Variants in ANKFY1 observed in about 807,000 individuals in gnomAD.
ANKFY1 encodes the protein ankyrin repeat and FYVE domain containing 1.
ANKFY1 carries 47 observed loss-of-function variants against 128.3 expected under a neutral mutation model. The ratio of observed to expected loss-of-function variants is 0.37; its 90% CI spans 0.29 to 0.47. The LOEUF is 0.47. ANKFY1 is among the 20% of genes least tolerant of loss of function. The probability of loss-of-function intolerance (pLI) is 1.00; values close to 1 mark genes in which losing one functional copy is unlikely to be tolerated. For missense variants in ANKFY1, 1,222 were observed against 1,510.6 expected, an observed-to-expected ratio of 0.81 and a Z score of 3.17; for synonymous variants, 553 against 601.6, an observed-to-expected ratio of 0.92 and a Z score of 1.18.
At chr17:4,230,928 T>C (rs917678842) in intron 3 of ANKFY1, among the ~76,000 whole-genome samples, 7 of 152,330 alleles carry the variant, frequency 4.6e-5, no homozygotes, top group Middle Eastern at 3.4e-3. Context: ...GGTAACTACG[T>C]AATACATACA....
rs549262738 is a variant in ANKFY1 at position 4,207,810 on chromosome 17, G to A, written c.732+123C>T. The A allele has an allele frequency of 4.9e-6, 5 of 1,011,454 alleles. No individual in the cohort carries two copies. In the African/African-American group the frequency reaches 6.7e-5, roughly 13 times the overall value. The allele number at this position is 1,011,454 out of a possible 1,614,324, so 62.7% of individuals were successfully genotyped here. On this transcript the variant is annotated intron_variant, in intron 6 of 24. Transcript: ENST00000341657. ...CAGATTGCCTTGAACAAACTATTTA[G>A]TAGAAATCCGTACGTTAAAGACTGT...
At chr17:4,204,154 C>CTT (rs2059982856) in intron 7 of ANKFY1, among the ~76,000 whole-genome samples, 2 of 152,156 alleles carry the variant, frequency 1.3e-5, no homozygotes, top group African/African-American at 4.8e-5. Context: ...GACTTTCACT[C>CTT]TTTAACAGTT....
chr17:4,236,235 C>T (rs1376789789), intron 2 of ANKFY1, among the ~76,000 whole-genome samples: 1 of 152,108 alleles, frequency 6.6e-6, no homozygotes, highest in Non-Finnish European at 1.5e-5. Flanking sequence ...TAGACTAAAA[C>T]AAGCTAAACC....
chr17:4,242,126 A>G, intron 2 of ANKFY1, 130 bp downstream of exon 2: 2 of 965,582 alleles, frequency 2.1e-6, no homozygotes, highest in Non-Finnish European at 2.9e-6. Flanking sequence ...AGGAGCTTCT[A>G]TTCTAGGGAA....
Position 4,189,459 on chromosome 17 carries a change from C to A in ANKFY1, c.1393G>T (p.Ala465Ser). ...TATGNCLLQR[A>S]AGAGNEAAAL... is the part of the protein sequence containing the mutation. ...GCTGCCTCGTTTCCTGCTCCAGCTG[C>A]CCGCTGTAGTAAACAGTTTCCTAAA... The change falls in exon 11 of 25, where the codon GCA becomes TCA. Residue 465 changes from alanine to serine, a missense_variant. Physicochemically the swap from Ala to Ser is moderately conservative, Grantham distance 99. Coordinates refer to ENST00000341657, the MANE Select transcript of ANKFY1 (RefSeq NM_001330063.2). 1 of 1,586,570 alleles carries A rather than the reference C, an allele frequency of 6.3e-7. No homozygotes were observed. Among genetic ancestry groups the A allele is most frequent in the Non-Finnish European group, 8.6e-7 (1 of 1,163,410 alleles).
At chr17:4,223,689 T>A in intron 3 of ANKFY1, 1 of 1,602,066 alleles carries the variant, frequency 6.2e-7, no homozygotes, top group South Asian at 1.1e-5. Context: ...GGTTACCGAA[T>A]AGCCCAGCCA....
chr17:4,177,266 C>T lies in ANKFY1; in HGVS notation c.2635G>A (p.Val879Ile). Residue 879 changes from valine (V) to isoleucine (I), a missense_variant, in exon 19 of 25, where the codon GTT becomes ATT. Physicochemically the swap from Val to Ile is conservative, Grantham distance 29. Coordinates refer to ENST00000341657, the MANE Select transcript of ANKFY1 (RefSeq NM_001330063.2). ...ACACTTTCAATATCAGAGTTCTGAA[C>T]TGCCACATGAAGGAAATTCCGGCCC... ...NKGRNFLHVA[V>I]QNSDIESVLF... The T allele has an allele frequency of 1.3e-6, 2 of 1,597,928 alleles. No individual in the cohort carries two copies. Among genetic ancestry groups the T allele is most frequent in the Non-Finnish European group, 1.7e-6 (2 of 1,172,226 alleles).
At chr17:4,260,663 TA>T (rs2143590245) in intron 1 of ANKFY1, among the ~76,000 whole-genome samples, 1 of 148,066 alleles carries the variant, frequency 6.8e-6, no homozygotes, top group African/African-American at 2.5e-5. Context: ...AAGCTTAGAT[TA>T]AGCAGGATAG....
chr17:4,209,387 G>A (rs1382574981), intron 5 of ANKFY1, among the ~76,000 whole-genome samples: 2 of 152,134 alleles, frequency 1.3e-5, no homozygotes, highest in African/African-American at 4.8e-5. Context: ...CGCAACCTCC[G>A]CCTCCCGGGT....
chr17:4,241,266 CTTCTTCTTCTTTTTTTT>C (rs1967200129), intron 2 of ANKFY1, among the ~76,000 whole-genome samples: 1 of 77,312 alleles, frequency 1.3e-5, no homozygotes, highest in Non-Finnish European at 2.7e-5. Context: ...GCTTCTTCTT[CTTCTTCTTCTTTTTTTT>C]TTTTTTTTTT....
At chr17:4,258,420 G>C (rs1210350438) in intron 1 of ANKFY1, among the ~76,000 whole-genome samples, 1 of 151,812 alleles carries the variant, frequency 6.6e-6, no homozygotes. Flanking sequence ...AGCTACTCGG[G>C]AGGCTGAGAT....
chr17:4,194,484 A>G (rs1357424342), intron 10 of ANKFY1: 1 of 105,988 alleles, frequency 9.4e-6, no homozygotes, highest in African/African-American at 3.4e-5. Context: ...TTTTTTGGTC[A>G]AGTCTTCCTG....
At chr17:4,259,761 T>C (rs544467012) in intron 1 of ANKFY1, among the ~76,000 whole-genome samples, 16 of 152,184 alleles carry the variant, frequency 1.1e-4, no homozygotes, top group Non-Finnish European at 1.5e-4. Flanking sequence ...TGATGCTCAA[T>C]AAATTCATAC....
chr17:4,243,226 C>T (rs1457363479), intron 1 of ANKFY1, among the ~76,000 whole-genome samples: 1 of 152,050 alleles, frequency 6.6e-6, no homozygotes, highest in Non-Finnish European at 1.5e-5. Context: ...GCCACCATGC[C>T]CAGCTCATTT....
At position 4,178,777 on chromosome 17, in the gene ANKFY1, T is replaced by C; in HGVS notation, c.2598+80A>G. The C allele has an allele frequency of 2.2e-6, 3 of 1,366,968 alleles. 1 individual carries two copies. In the Admixed American group the frequency reaches 5.5e-5, roughly 25 times the overall value. 84.7% of individuals were successfully genotyped at this position (1,366,968 alleles called of 1,614,324 possible). On this transcript the variant is annotated intron_variant, in intron 18 of 24. Transcript: ENST00000341657. This position sits in a 1 kb window ranked among gnomAD's most constrained non-coding sequence, Gnocchi z 4.1. ...AAGCTCTTTCCATGAGGAGACCTGT[T>C]TAGTCGGTGACATCTGTCTAGTCTC...
intron 16 of ANKFY1, among the ~76,000 whole-genome samples, chr17:4,180,737 G>C (rs1191733705): frequency 1.4e-5 from 2 of 141,230 alleles, no homozygotes; most frequent in Non-Finnish European, 3.1e-5. Context: ...CTCTAGCCTG[G>C]GTGAGAGAGC....
chr17:4,175,427 C>A (rs918949420), intron 19 of ANKFY1, among the ~76,000 whole-genome samples: 2 of 152,134 alleles, frequency 1.3e-5, no homozygotes, highest in East Asian at 1.9e-4. Flanking sequence ...AATACCTATT[C>A]GTTTAGTATT....
At chr17:4,206,771 G>A (rs886589266) in intron 6 of ANKFY1, among the ~76,000 whole-genome samples, 2 of 152,198 alleles carry the variant, frequency 1.3e-5, no homozygotes, top group Non-Finnish European at 2.9e-5. Context: ...GTGCTGTGGG[G>A]CACGAGTGCC....
At chr17:4,258,307 C>T (rs142481899) in intron 1 of ANKFY1, among the ~76,000 whole-genome samples, 4,843 of 152,104 alleles carry the variant, frequency 0.032, 290 homozygotes, top group African/African-American at 0.11. Flanking sequence ...GGGCGGATCA[C>T]GAGGTCAGGA....
Sources: allele counts gnomAD v4.1 joint callset (sites outside exome capture counted in the v4.1 genomes callset), GRCh38; gene constraint gnomAD v4.1.1; non-coding constraint Gnocchi (gnomAD v3.1); transcripts MANE v1.5; gene names NCBI Gene and HGNC (gene_info 2026-07-23, HGNC 2026-07-21).